Variants in MYO3B observed in about 807,000 individuals in gnomAD.
MYO3B encodes myosin IIIB.
A neutral mutation model predicts 174.6 loss-of-function variants in MYO3B; 156 were observed. That is an observed-to-expected ratio of 0.89 (90% confidence interval 0.78 to 1.02). MYO3B has a LOEUF of 1.02. MYO3B is among the 50% of genes least tolerant of loss of function. The pLI, the probability that MYO3B is intolerant of heterozygous loss-of-function variation, is 0.00. For synonymous variants in MYO3B, 563 were observed against 569.1 expected, an observed-to-expected ratio of 0.99 and a Z score of 0.15; for missense variants, 1,632 against 1,639.4, an observed-to-expected ratio of 1.00 and a Z score of 0.08.
intron 32 of MYO3B, among the ~76,000 whole-genome samples, chr2:170,550,771 A>T (rs935460571): frequency 6.6e-6 from 1 of 152,228 alleles, no homozygotes; most frequent in Non-Finnish European, 1.5e-5. Context: ...ATTCTCGGGA[A>T]GTTGTCAAGA....
intron 22 of MYO3B, among the ~76,000 whole-genome samples, chr2:170,439,398 TTTG>T (rs538612616): frequency 5.5e-4 from 84 of 151,856 alleles, no homozygotes; most frequent in African/African-American, 1.8e-3. Context: ...ATAATAATTT[TTTG>T]TTATTTGGCT....
intron 23 of MYO3B, among the ~76,000 whole-genome samples, chr2:170,459,952 A>G (rs1209581237): frequency 1.3e-5 from 2 of 151,986 alleles, no homozygotes; most frequent in Non-Finnish European, 2.9e-5. Flanking sequence ...CCCACCCGGA[A>G]CTCATGCTGG....
At chr2:170,491,469 A>G (rs189723835) in intron 25 of MYO3B, among the ~76,000 whole-genome samples, 2,892 of 150,118 alleles carry the variant, frequency 0.019, 51 homozygotes, top group South Asian at 0.055. Flanking sequence ...CTCTGTCGAC[A>G]GGCTGGAGTG....
intron 32 of MYO3B, among the ~76,000 whole-genome samples, chr2:170,563,318 G>A (rs1304289193): frequency 6.6e-6 from 1 of 151,034 alleles, no homozygotes; most frequent in Non-Finnish European, 1.5e-5. Flanking sequence ...TGAGAGTAAA[G>A]CCATTACCAC....
chr2:170,272,889 T>A (rs1223046050), intron 7 of MYO3B, among the ~76,000 whole-genome samples: 1 of 152,222 alleles, frequency 6.6e-6, no homozygotes, highest in Non-Finnish European at 1.5e-5. Context: ...TATTCTGGTA[T>A]AATGAACAGA....
chr2:170,408,696 C>T (rs888067520), intron 22 of MYO3B: 2 of 150,956 alleles, frequency 1.3e-5, no homozygotes, highest in Non-Finnish European at 2.9e-5. Flanking sequence ...CTTCCCACAT[C>T]CCTCTTAACT....
intron 22 of MYO3B, among the ~76,000 whole-genome samples, chr2:170,415,645 T>C (rs2094573283): frequency 6.6e-6 from 1 of 152,188 alleles, no homozygotes; most frequent in Non-Finnish European, 1.5e-5. Context: ...CTGTTTGCTC[T>C]ATCTTCCTTC....
chr2:170,549,130 C>T (rs1226381101), intron 32 of MYO3B, among the ~76,000 whole-genome samples: 1 of 152,092 alleles, frequency 6.6e-6, no homozygotes, highest in Non-Finnish European at 1.5e-5. Context: ...CTTACATTTT[C>T]TTAATGTAAA....
At chr2:170,207,968 T>C (rs993339476) in intron 3 of MYO3B, among the ~76,000 whole-genome samples, 1 of 151,868 alleles carries the variant, frequency 6.6e-6, no homozygotes, top group Non-Finnish European at 1.5e-5. Context: ...AGTCTGGGGG[T>C]GGGAGTATCC....
At chr2:170,585,973 G>A (rs1322319727) in intron 32 of MYO3B, among the ~76,000 whole-genome samples, 2 of 152,166 alleles carry the variant, frequency 1.3e-5, no homozygotes, top group Non-Finnish European at 1.5e-5. Flanking sequence ...CAGGCCAGGG[G>A]GAGGTTGCAT....
chr2:170,556,190 T>A (rs1253367900), intron 32 of MYO3B, among the ~76,000 whole-genome samples: 1 of 147,818 alleles, frequency 6.8e-6, no homozygotes, highest in East Asian at 2.0e-4. Flanking sequence ...ACCAAGACTC[T>A]GTCTAGAAAA....
At chr2:170,598,963 A>C (rs1694317458) in intron 32 of MYO3B, among the ~76,000 whole-genome samples, 1 of 152,214 alleles carries the variant, frequency 6.6e-6, no homozygotes, top group Admixed American at 6.5e-5. Context: ...TCTTTGCCTC[A>C]AGTCCTTTCA....
intron 17 of MYO3B, 35 bp from the exon 18 acceptor site, chr2:170,401,446 G>A: frequency 6.3e-7 from 1 of 1,581,452 alleles, no homozygotes; most frequent in South Asian, 1.1e-5. Context: ...TGAAGGTCTG[G>A]CTACATTCTG....
intron 8 of MYO3B, chr2:170,343,633 C>G (rs535696048): frequency 6.6e-6 from 1 of 152,158 alleles, no homozygotes; most frequent in African/African-American, 2.4e-5. Context: ...GTGCTTGGCA[C>G]CTAACTATGG....
intron 8 of MYO3B, among the ~76,000 whole-genome samples, chr2:170,363,052 G>A (rs999424899): frequency 2.6e-5 from 4 of 152,248 alleles, no homozygotes; most frequent in Non-Finnish European, 4.4e-5. Context: ...TCTGTTTGAC[G>A]ATGATAGCAA....
intron 19 of MYO3B, among the ~76,000 whole-genome samples, chr2:170,403,670 G>A (rs1055855168): frequency 6.6e-5 from 10 of 152,168 alleles, no homozygotes; most frequent in Admixed American, 5.9e-4. Flanking sequence ...AGGGATAATT[G>A]TTTTAATGCA....
Position 170,386,211 on chromosome 2 carries a change from G to C in MYO3B, c.1313G>C (p.Ser438Thr). The C allele has an allele frequency of 1.9e-6, 3 of 1,613,610 alleles. No homozygotes were observed. The highest frequency in any genetic ancestry group is 2.5e-6 in the Non-Finnish European group (3 of 1,179,652). The change falls in exon 13 of 35, where the codon AGT becomes ACT. Residue 438 changes from serine to threonine, a missense_variant. Ser to Thr is a moderately conservative substitution (Grantham distance 58). Coordinates refer to ENST00000408978, the MANE Select transcript of MYO3B (RefSeq NM_138995.5). ...KDQCIVISGE[S>T]GSGKTESAHL... The stretch of plus-strand genomic sequence containing the variant: ...CAGTGCATTGTCATCAGCGGAGAGA[G>C]TGGCTCTGGGAAGACAGAAAGCGCC...
At chr2:170,255,121 C>T (rs1431750688) in intron 7 of MYO3B, among the ~76,000 whole-genome samples, 6 of 152,224 alleles carry the variant, frequency 3.9e-5, no homozygotes, top group Non-Finnish European at 7.3e-5. Flanking sequence ...CGCCTGCACA[C>T]ATACTCCATC....
At chr2:170,465,817 G>A (rs1443045693) in intron 24 of MYO3B, among the ~76,000 whole-genome samples, 1 of 152,172 alleles carries the variant, frequency 6.6e-6, no homozygotes, top group African/African-American at 2.4e-5. Flanking sequence ...ATGGAACTGA[G>A]TTCCTTTGGC....
Sources: gnomAD v4.1 joint callset for allele counts (sites outside exome capture counted in the v4.1 genomes callset) on GRCh38, gnomAD v4.1.1 for gene constraint, MANE v1.5 for transcripts, NCBI Gene and HGNC (gene_info 2026-07-23, HGNC 2026-07-21) for gene names.